ORC4: variants seen among roughly 807,000 people sequenced by gnomAD.
ORC4 encodes origin recognition complex subunit 4, also known as origin recognition complex, subunit 4 homolog.
A neutral mutation model predicts 63.9 loss-of-function variants in ORC4; 55 were observed. The ratio of observed to expected loss-of-function variants is 0.86; its 90% CI spans 0.69 to 1.08. The LOEUF (loss-of-function observed/expected upper bound fraction) is 1.08. Among genes scored for constraint, ORC4 ranks in the 50% least tolerant of loss-of-function variants. The probability of loss-of-function intolerance (pLI) is 0.00; values close to 1 mark genes in which losing one functional copy is unlikely to be tolerated. For missense variants in ORC4, 511 were observed against 504.4 expected (o/e 1.01, Z -0.13); for synonymous variants, 150 against 168.5 (o/e 0.89, Z 0.85).
intron 1 of ORC4, among the ~76,000 whole-genome samples, chr2:147,977,142 TAGAAGACAC>T (rs1447509849): frequency 6.6e-6 from 1 of 152,192 alleles, no homozygotes; most frequent in Non-Finnish European, 1.5e-5. Context: ...CTTTTAAGGT[TAGAAGACAC>T]AGATAGGCTA....
At chr2:147,943,618 A>C in intron 9 of ORC4, 96 bp from the exon 10 acceptor site, 1 of 697,440 alleles carries the variant, frequency 1.4e-6, no homozygotes, top group Non-Finnish European at 2.5e-6. Context: ...GTACCTTAGT[A>C]ACTCTATCTA....
Position 147,972,794 on chromosome 2 carries a change from T to C in ORC4, c.170A>G (p.His57Arg), listed in dbSNP as rs1198935739. The stretch of plus-strand genomic sequence containing the variant: ...AATAAGGACAGAGTTACTCTCTCCA[T>C]GGAGAGCAGTTCTTTTCAGCAGCTC... The part of the protein sequence containing the change: ...LSELLKRTAL[H>R]GESNSVLIIG... Residue 57 changes from histidine to arginine, a missense_variant, in exon 4 of 14, where the codon CAT (histidine) becomes CGT (arginine). By Grantham distance (29) the His-to-Arg change is conservative. Coordinates refer to ENST00000392857, the MANE Select transcript of ORC4 (RefSeq NM_181741.4). 6.2e-7 allele frequency: 1 copy of C among 1,612,572 alleles called. No homozygotes were observed. Among genetic ancestry groups the C allele is most frequent in the South Asian group, 1.1e-5 (1 of 91,026 alleles).
At chr2:148,021,466 C>CTGCTGCTGCTGCTGT (rs1348774958), upstream of ORC4, 25 of 531,846 alleles carry the variant, frequency 4.7e-5, 1 homozygote, top group East Asian at 1.0e-4. Flanking sequence ...GCTGCTGTTG[C>CTGCTGCTGCTGCTGT]TGCTGCTGCT....
chr2:147,988,076 T>C (rs1181394672), intron 1 of ORC4, among the ~76,000 whole-genome samples: 1 of 151,194 alleles, frequency 6.6e-6, no homozygotes. Context: ...AAAGAAAGTA[T>C]TGTAATATGT....
At chr2:147,938,237 T>C (rs1231952307) in intron 12 of ORC4, 24 bp from the exon 13 acceptor site, 1 of 1,603,624 alleles carries the variant, frequency 6.2e-7, no homozygotes, top group Non-Finnish European at 8.5e-7. Flanking sequence ...AATGACAACA[T>C]TATACCTTCA....
chr2:147,980,725 T>C (rs1690832925), intron 1 of ORC4, among the ~76,000 whole-genome samples: 2 of 152,140 alleles, frequency 1.3e-5, no homozygotes, highest in East Asian at 1.9e-4. Flanking sequence ...ATGAGTGTTG[T>C]TGAGGATTAT....
intron 2 of ORC4, 134 bp from the exon 3 acceptor site, chr2:147,973,658 C>T: frequency 1.7e-6 from 1 of 590,668 alleles, no homozygotes; most frequent in South Asian, 2.4e-5. Flanking sequence ...TTCTTATCCT[C>T]TAGAGTTCTG....
chr2:147,976,389 A>T (rs182884358), intron 1 of ORC4, among the ~76,000 whole-genome samples: 2 of 152,334 alleles, frequency 1.3e-5, no homozygotes, highest in African/African-American at 4.8e-5. Flanking sequence ...GTAGACTAGT[A>T]TACTGTAAAT....
At chr2:147,971,913 C>T (rs993464235) in intron 4 of ORC4, among the ~76,000 whole-genome samples, 2 of 151,992 alleles carry the variant, frequency 1.3e-5, no homozygotes, top group Non-Finnish European at 2.9e-5. Context: ...AAAATCCTAA[C>T]GTACTCATCT....
intron 9 of ORC4, among the ~76,000 whole-genome samples, chr2:147,945,324 C>G (rs1374031806): frequency 6.6e-6 from 1 of 152,010 alleles, no homozygotes; most frequent in East Asian, 1.9e-4. Context: ...CTCCAATTCC[C>G]CCTCTTTCTA....
chr2:148,006,045 C>T (rs1692608846), intron 1 of ORC4, among the ~76,000 whole-genome samples: 1 of 152,074 alleles, frequency 6.6e-6, no homozygotes, highest in Non-Finnish European at 1.5e-5. Flanking sequence ...AATCACGGCA[C>T]CTGGTTTTAA....
chr2:147,939,636 C>T (rs1023667753), intron 10 of ORC4, among the ~76,000 whole-genome samples: 12 of 152,092 alleles, frequency 7.9e-5, no homozygotes, highest in African/African-American at 2.9e-4. Context: ...AACTTTTTCA[C>T]CACCCAATCA....
intron 7 of ORC4, among the ~76,000 whole-genome samples, chr2:147,952,824 C>T (rs150649254): frequency 5.1e-4 from 73 of 143,952 alleles, no homozygotes; most frequent in African/African-American, 3.1e-4. Context: ...GTCGGGAGTT[C>T]GAGACCAGCC....
In ORC4 at chr2:147,933,631, ATCC is replaced by A. The variant is rs1687889425; in HGVS notation, c.*1876_*1878del. ...CATCTTAAGCTAATAAGAAATTGGA[ATCC>A]TCAAGTCATTTCATGAGGCTGTTAC... On this transcript the variant is annotated 3_prime_UTR_variant, in exon 14 of 14. Coordinates refer to ENST00000392857, the MANE Select transcript of ORC4 (RefSeq NM_181741.4). 6.6e-6 allele frequency: 1 copy of A among 152,122 alleles called. No individual in the cohort carries two copies. The allele number at this position is 152,122 out of a possible 1,614,324, so 9.4% of individuals were successfully genotyped here.
intron 10 of ORC4, among the ~76,000 whole-genome samples, chr2:147,939,626 A>C (rs1688252607): frequency 6.6e-6 from 1 of 152,168 alleles, no homozygotes. Flanking sequence ...CTTACTTGTT[A>C]ACTTTTTCAC....
intron 1 of ORC4, among the ~76,000 whole-genome samples, chr2:148,006,763 C>G (rs571479344): frequency 6.6e-6 from 1 of 152,284 alleles, no homozygotes; most frequent in South Asian, 2.1e-4. Context: ...CTTGAATAAC[C>G]AGTGGCAGTC....
At chr2:147,945,481 T>C (rs964685503) in intron 9 of ORC4, among the ~76,000 whole-genome samples, 4 of 151,954 alleles carry the variant, frequency 2.6e-5, no homozygotes, top group African/African-American at 9.7e-5. Context: ...CTATACTCTA[T>C]TTGAGGATAA....
intron 9 of ORC4, among the ~76,000 whole-genome samples, chr2:147,944,670 A>G (rs1455460785): frequency 1.3e-5 from 2 of 149,166 alleles, no homozygotes; most frequent in Non-Finnish European, 3.0e-5. Context: ...TTTTTCAAAA[A>G]TCATCTGCAT....
At chr2:147,975,506 GA>G (rs36022428) in intron 2 of ORC4, among the ~76,000 whole-genome samples, 88,957 of 143,270 alleles carry the variant, frequency 0.62, 27,754 homozygotes, top group African/African-American at 0.66. Flanking sequence ...CAAGAAAAGG[GA>G]AAAAAAAAAA....
Sources: allele counts gnomAD v4.1 joint callset (sites outside exome capture counted in the v4.1 genomes callset), GRCh38; gene constraint gnomAD v4.1.1; transcripts MANE v1.5; gene names NCBI Gene and HGNC (gene_info 2026-07-23, HGNC 2026-07-21).